The following CFAP54 variants were observed in gnomAD, a reference collection of about 807,000 sequenced individuals.
CFAP54 encodes the protein cilia and flagella associated protein 54, also known as cilia- and flagella-associated protein 54.
In CFAP54, 290 loss-of-function variants were observed where a neutral mutation model predicts 370.4. The observed-to-expected ratio is 0.78, with a 90% CI of 0.71 to 0.86. The LOEUF (loss-of-function observed/expected upper bound fraction) is 0.86, where lower values mean the gene tolerates loss of function less well. Among genes scored for constraint, CFAP54 ranks in the 40% least tolerant of loss-of-function variants. The probability of loss-of-function intolerance (pLI) is 0.00; values close to 1 mark genes in which losing one functional copy is unlikely to be tolerated. For missense variants in CFAP54, 3,399 were observed against 3,528.7 expected, an observed-to-expected ratio of 0.96 and a Z score of 0.93; for synonymous variants, 1,206 against 1,236.5, an observed-to-expected ratio of 0.98 and a Z score of 0.52.
At chr12:96,806,979 C>T (rs1363334910) in intron 63 of CFAP54, among the ~76,000 whole-genome samples, 2 of 152,160 alleles carry the variant, frequency 1.3e-5, no homozygotes, top group Non-Finnish European at 2.9e-5. Flanking sequence ...TTAATAGTAA[C>T]TCCCAAGTAT....
At chr12:96,694,192 C>A (rs985304728) in intron 45 of CFAP54, among the ~76,000 whole-genome samples, 1 of 152,178 alleles carries the variant, frequency 6.6e-6, no homozygotes, top group Non-Finnish European at 1.5e-5. Context: ...TTTTTCAATG[C>A]ACAGGTAATT....
At chr12:96,588,999 A>C (rs915656335) in intron 22 of CFAP54, among the ~76,000 whole-genome samples, 1 of 152,228 alleles carries the variant, frequency 6.6e-6, no homozygotes, top group African/African-American at 2.4e-5. Context: ...GAACCAGAAA[A>C]GAATGAAGTA....
intron 15 of CFAP54, among the ~76,000 whole-genome samples, chr12:96,549,640 T>C (rs1955674562): frequency 6.6e-6 from 1 of 152,242 alleles, no homozygotes; most frequent in African/African-American, 2.4e-5. Flanking sequence ...ACTATTTGTG[T>C]GATGCTGAAT....
intron 32 of CFAP54, among the ~76,000 whole-genome samples, chr12:96,637,651 C>T (rs1287948949): frequency 1.3e-5 from 2 of 152,094 alleles, no homozygotes; most frequent in Admixed American, 1.3e-4. Context: ...TCATATGAAC[C>T]ATATTTTATT....
At chr12:96,600,820 A>T (rs1956232092) in intron 26 of CFAP54, among the ~76,000 whole-genome samples, 1 of 152,178 alleles carries the variant, frequency 6.6e-6, no homozygotes, top group Non-Finnish European at 1.5e-5. Context: ...GTATTCTGAG[A>T]CTTTGCTGAA....
chr12:96,748,869 A>T (rs1204102675), intron 55 of CFAP54, among the ~76,000 whole-genome samples: 2 of 152,180 alleles, frequency 1.3e-5, no homozygotes, highest in African/African-American at 2.4e-5. Flanking sequence ...GAGCACTTTC[A>T]ATCTGCAGAT....
intron 26 of CFAP54, among the ~76,000 whole-genome samples, chr12:96,608,004 A>G (rs1956318243): frequency 6.6e-6 from 1 of 152,218 alleles, no homozygotes; most frequent in East Asian, 1.9e-4. Flanking sequence ...GAAATACTCT[A>G]TCAAATGACA....
intron 6 of CFAP54, among the ~76,000 whole-genome samples, chr12:96,519,552 T>C (rs1304378921): frequency 2.6e-5 from 4 of 152,226 alleles, no homozygotes; most frequent in Non-Finnish European, 5.9e-5. Flanking sequence ...TTTTTCTCTC[T>C]CACCCTCCTT....
intron 26 of CFAP54, among the ~76,000 whole-genome samples, chr12:96,619,091 T>C (rs1467610603): frequency 6.6e-6 from 1 of 152,186 alleles, no homozygotes; most frequent in Non-Finnish European, 1.5e-5. Flanking sequence ...CTTGAACTCC[T>C]GAGCTCATGC....
At chr12:96,818,367 C>T (rs1008670809) in intron 65 of CFAP54, among the ~76,000 whole-genome samples, 138 of 152,146 alleles carry the variant, frequency 9.1e-4, no homozygotes, top group African/African-American at 3.2e-3. Flanking sequence ...GTATAGTATG[C>T]TATTAAGTCT....
At chr12:96,633,370 A>G (rs761443241) in intron 32 of CFAP54, among the ~76,000 whole-genome samples, 1 of 152,240 alleles carries the variant, frequency 6.6e-6, no homozygotes, top group Non-Finnish European at 1.5e-5. Flanking sequence ...CCAGTTTCTA[A>G]TGATAGCTGT....
chr12:96,619,010 T>C (rs562949049), intron 26 of CFAP54, among the ~76,000 whole-genome samples: 16 of 152,212 alleles, frequency 1.1e-4, no homozygotes, highest in Admixed American at 2.0e-4. Context: ...ACTACAGCCA[T>C]GTGTCACCAC....
rs528343903 is a variant in CFAP54, at chr12:96,560,939, T to C, written c.2411-3529T>C. 4.6e-5 allele frequency among the ~76,000 whole-genome samples: 7 copies of C among 152,374 alleles called. No individual in the cohort carries two copies. In the South Asian group the frequency reaches 1.4e-3, roughly 32 times the overall value. ...CTTCTAGATTTATTTGGTAACATTC[T>C]TTTGTAAACAAGAGCTGTCCCTGCT... On this transcript the variant is annotated intron_variant, in intron 17 of 67. Coordinates refer to ENST00000524981, the MANE Select transcript of CFAP54 (RefSeq NM_001306084.2).
chr12:96,633,061 G>A (rs815902), intron 32 of CFAP54, among the ~76,000 whole-genome samples: 30,170 of 151,816 alleles, frequency 0.2, 3,535 homozygotes, highest in South Asian at 0.32. Flanking sequence ...ATTTTTTTGC[G>A]TACTGATCTT....
intron 26 of CFAP54, among the ~76,000 whole-genome samples, chr12:96,608,793 A>T (rs1162317757): frequency 4.6e-5 from 7 of 152,132 alleles, no homozygotes; most frequent in Admixed American, 3.9e-4. Context: ...GACAGGGAGG[A>T]AAAAATGAAC....
chr12:96,518,367 AT>A (rs577801744), intron 5 of CFAP54, among the ~76,000 whole-genome samples: 2 of 152,324 alleles, frequency 1.3e-5, no homozygotes, highest in East Asian at 3.9e-4. Flanking sequence ...GTAAATGTTA[AT>A]AAAAATGAGC....
chr12:96,646,917 A>C (rs548924662), intron 33 of CFAP54: 2 of 152,266 alleles, frequency 1.3e-5, no homozygotes, highest in African/African-American at 4.8e-5. Flanking sequence ...ACACATGGAC[A>C]CAGGAAGGGG....
chr12:96,651,892 C>CT, intron 36 of CFAP54, 77 bp downstream of exon 36: 2 of 849,650 alleles, frequency 2.4e-6, no homozygotes, highest in South Asian at 1.9e-5. Context: ...TAAGTAGAAA[C>CT]TGTTTTTTTT....
Position 96,538,512 on chromosome 12 carries a change from T to TA in CFAP54, c.1922dup (p.Asn641LysfsTer12). ...CAAAATTCACCCAGAAAATCAGTAC[T>TA]AACAAAGTATTCCTTTCGCATTCCC... On this transcript the variant is annotated frameshift_variant, in exon 13 of 68. Transcript: ENST00000524981. LOFTEE classifies it high-confidence loss of function. 6.5e-7 allele frequency: 1 copy of TA among 1,535,960 alleles called. No homozygotes were observed. The highest frequency in any genetic ancestry group is 1.4e-5 in the African/African-American group (1 of 73,166).
Sources: allele counts gnomAD v4.1 joint callset (sites outside exome capture counted in the v4.1 genomes callset), GRCh38; gene constraint gnomAD v4.1.1; transcripts MANE v1.5; gene names NCBI Gene and HGNC (gene_info 2026-07-23, HGNC 2026-07-21).